FMN1: variants seen among roughly 807,000 people sequenced by gnomAD.
FMN1 encodes the protein formin 1.
A neutral mutation model predicts 132.4 loss-of-function variants in FMN1; 110 were observed. That is an observed-to-expected ratio of 0.83 (90% CI 0.71 to 0.97). The LOEUF is 0.97. FMN1 is among the 50% of genes least tolerant of loss of function. The probability of loss-of-function intolerance (pLI) is 0.00; values close to 1 mark genes in which losing one functional copy is unlikely to be tolerated. For synonymous variants in FMN1, 722 were observed against 651.7 expected (o/e 1.11, Z -1.64); for missense variants, 1,792 against 1,705.3 (o/e 1.05, Z -0.90).
intron 2 of FMN1, among the ~76,000 whole-genome samples, chr15:33,192,711 A>G (rs1034480187): frequency 3.9e-5 from 6 of 152,226 alleles, no homozygotes; most frequent in African/African-American, 1.4e-4. Flanking sequence ...ACACCTAAAA[A>G]GGATAAAGAC....
intron 3 of FMN1, among the ~76,000 whole-genome samples, chr15:33,177,946 T>C (rs928882688): frequency 7.9e-5 from 12 of 152,032 alleles, no homozygotes; most frequent in African/African-American, 2.7e-4. Context: ...AGGCAGAGGT[T>C]ACAGTGAGCC....
chr15:32,881,684 C>A (rs1201752754), intron 16 of FMN1, among the ~76,000 whole-genome samples: 1 of 152,106 alleles, frequency 6.6e-6, no homozygotes, highest in Non-Finnish European at 1.5e-5. Flanking sequence ...TTACAAGAAG[C>A]ATTTAAACTC....
intron 5 of FMN1, among the ~76,000 whole-genome samples, chr15:33,082,288 G>A (rs1291447852): frequency 6.6e-6 from 1 of 152,030 alleles, no homozygotes; most frequent in Non-Finnish European, 1.5e-5. Flanking sequence ...GGTCAGGCTG[G>A]TCTCCAACTC....
intron 7 of FMN1, among the ~76,000 whole-genome samples, chr15:32,994,530 C>T (rs1276010596): frequency 6.6e-6 from 1 of 152,190 alleles, no homozygotes; most frequent in Non-Finnish European, 1.5e-5. Context: ...CTCCACAGCA[C>T]TCATCACATT....
chr15:32,880,909 A>G (rs1475616106), intron 16 of FMN1, among the ~76,000 whole-genome samples: 1 of 152,156 alleles, frequency 6.6e-6, no homozygotes, highest in African/African-American at 2.4e-5. Flanking sequence ...AATCTGTTTT[A>G]CTTCCCCCAT....
intron 16 of FMN1, among the ~76,000 whole-genome samples, chr15:32,877,915 A>G (rs1223371289): frequency 6.6e-6 from 1 of 152,230 alleles, no homozygotes; most frequent in Non-Finnish European, 1.5e-5. Flanking sequence ...AATACGTGGA[A>G]AGTGCTGACC....
chr15:32,768,366 A>T lies in FMN1; in HGVS notation c.*5944T>A, dbSNP rs1021868003. The T allele has an allele frequency of 6.6e-6, 1 of 152,246 alleles. No individual in the cohort carries two copies. The highest frequency in any genetic ancestry group is 2.4e-5 in the African/African-American group (1 of 41,462). 9.4% of individuals were successfully genotyped at this position (152,246 alleles called of 1,614,324 possible). On this transcript the variant is annotated 3_prime_UTR_variant, in exon 21 of 21. Coordinates refer to ENST00000616417, the MANE Select transcript of FMN1 (RefSeq NM_001277313.2). The stretch of plus-strand genomic sequence containing the variant: ...GCCCCTGAAGAGAACAATGAAGGAA[A>T]GCAGGTACACGTTTGCCAAGGACAT...
intron 6 of FMN1, among the ~76,000 whole-genome samples, chr15:33,033,014 C>A (rs1178949902): frequency 6.6e-6 from 1 of 152,044 alleles, no homozygotes; most frequent in Non-Finnish European, 1.5e-5. Flanking sequence ...TGCTGTTTTA[C>A]TATTACTGTT....
chr15:32,885,075 A>T (rs894075667), intron 16 of FMN1, among the ~76,000 whole-genome samples: 1 of 152,224 alleles, frequency 6.6e-6, no homozygotes, highest in African/African-American at 2.4e-5. Context: ...CGATTATGCT[A>T]CTTGACAAGC....
intron 2 of FMN1, among the ~76,000 whole-genome samples, chr15:33,193,339 C>T (rs977302024): frequency 1.4e-4 from 22 of 152,224 alleles, no homozygotes; most frequent in Admixed American, 2.0e-4. Context: ...TAAGCAACGG[C>T]TGTTGAATCC....
chr15:33,079,076 C>T (rs1343839737), intron 5 of FMN1, among the ~76,000 whole-genome samples: 1 of 152,112 alleles, frequency 6.6e-6, no homozygotes, highest in Non-Finnish European at 1.5e-5. Context: ...AGAAAAATTC[C>T]TCATCATTTT....
intron 4 of FMN1, chr15:33,151,154 C>A: frequency 6.8e-7 from 1 of 1,461,594 alleles, no homozygotes; most frequent in Non-Finnish European, 9.0e-7. Flanking sequence ...ATCTGGGGAA[C>A]TCCCTCCCTC....
chr15:33,189,497 T>A (rs1265923505), intron 2 of FMN1, among the ~76,000 whole-genome samples: 3 of 152,198 alleles, frequency 2.0e-5, no homozygotes, highest in Non-Finnish European at 4.4e-5. Flanking sequence ...TTTCACTATA[T>A]TCATACCCAG....
chr15:32,863,975 G>T (rs2059336209), intron 16 of FMN1, among the ~76,000 whole-genome samples: 1 of 152,026 alleles, frequency 6.6e-6, no homozygotes, highest in African/African-American at 2.4e-5. Flanking sequence ...ATTTTATTTT[G>T]GCTAGCAGCA....
chr15:32,900,777 T>C (rs2060275439), intron 13 of FMN1, among the ~76,000 whole-genome samples: 1 of 152,268 alleles, frequency 6.6e-6, no homozygotes, highest in African/African-American at 2.4e-5. Context: ...TTTATTTATT[T>C]TTTACTTCAA....
intron 6 of FMN1, chr15:33,013,003 G>A: frequency 2.3e-6 from 1 of 426,104 alleles, no homozygotes; most frequent in East Asian, 6.1e-5. Flanking sequence ...CCAGTACTTT[G>A]CCAAACCACA....
chr15:32,837,641 A>G (rs16959465), intron 17 of FMN1, among the ~76,000 whole-genome samples: 24,715 of 152,146 alleles, frequency 0.16, 2,397 homozygotes, highest in East Asian at 0.33. Context: ...CTAAAGCAAG[A>G]AGGAGTTTTC....
At chr15:32,871,910 G>A (rs1243369039) in intron 16 of FMN1, among the ~76,000 whole-genome samples, 2 of 152,126 alleles carry the variant, frequency 1.3e-5, no homozygotes, top group East Asian at 1.9e-4. Context: ...AACAGTAAGA[G>A]GACCATCCAT....
intron 6 of FMN1, among the ~76,000 whole-genome samples, chr15:33,032,022 TA>T (rs1465927233): frequency 3.5e-4 from 53 of 152,294 alleles, no homozygotes; most frequent in African/African-American, 1.2e-3. Flanking sequence ...ACAACAAAAA[TA>T]ATAATTACTA....
Sources: gnomAD v4.1 joint callset for allele counts (sites outside exome capture counted in the v4.1 genomes callset) on GRCh38, gnomAD v4.1.1 for gene constraint, MANE v1.5 for transcripts, NCBI Gene and HGNC (gene_info 2026-07-23, HGNC 2026-07-21) for gene names.